Variants in RNF32 observed in about 807,000 individuals in gnomAD.
RNF32 encodes ring finger protein 32.
A neutral mutation model predicts 41.0 loss-of-function variants in RNF32; 36 were observed. The observed-to-expected ratio is 0.88, with a 90% CI of 0.67 to 1.16. RNF32 has a LOEUF of 1.16. Ranked by LOEUF, RNF32 falls within the 50% of genes most tolerant of loss-of-function variation. RNF32 has a pLI of 0.00. For synonymous variants in RNF32, 154 were observed against 160.9 expected, an observed-to-expected ratio of 0.96 and a Z score of 0.32; for missense variants, 413 against 436.7, an observed-to-expected ratio of 0.95 and a Z score of 0.48.
intron 7 of RNF32, among the ~76,000 whole-genome samples, chr7:156,674,273 G>A (rs1182894420): frequency 6.6e-6 from 1 of 152,176 alleles, no homozygotes; most frequent in African/African-American, 2.4e-5. Context: ...CGGGCCTGGA[G>A]AACACCCAGA....
intron 8 of RNF32, among the ~76,000 whole-genome samples, chr7:156,676,065 C>T (rs2365514): frequency 0.38 from 57,378 of 149,948 alleles, 11,650 homozygotes; most frequent in African/African-American, 0.49. Context: ...GTGTCAGTCC[C>T]GGGGTAACCG....
At chr7:156,672,363 A>T (rs1802731769) in intron 7 of RNF32, among the ~76,000 whole-genome samples, 1 of 152,202 alleles carries the variant, frequency 6.6e-6, no homozygotes, top group East Asian at 1.9e-4. Context: ...TCCTGGCCCC[A>T]GGACTAATAA....
rs1017273350 is a variant in RNF32 at position 156,670,658 on chromosome 7, C to A, written c.685-5038C>A. Among the ~76,000 whole-genome samples the A allele has an allele frequency of 6.6e-6, 1 of 152,150 alleles. No individual in the cohort carries two copies. Among genetic ancestry groups the A allele is most frequent in the African/African-American group, 2.4e-5 (1 of 41,436 alleles). ...AGACGATGGCAAACCCTGGGACCTG[C>A]AGATTTCCCAGTGGGAGCGGCAGAA... On this transcript the variant is annotated intron_variant, in intron 7 of 8. Coordinates refer to ENST00000317955, the MANE Select transcript of RNF32 (RefSeq NM_030936.4). The surrounding 1 kb of genome is among the most constrained non-coding windows in gnomAD (Gnocchi z 4.3).
At chr7:156,673,908 A>T (rs1196999997) in intron 7 of RNF32, among the ~76,000 whole-genome samples, 2 of 69,722 alleles carry the variant, frequency 2.9e-5, no homozygotes, top group African/African-American at 1.3e-4. Context: ...CACATTAATA[A>T]AAAAAAAAAA....
chr7:156,657,373 C>T lies in RNF32; in HGVS notation c.418-168C>T, dbSNP rs959047011. ...GAATTTTTGTTATTTAGAGTATATA[C>T]TTGTGCTGTGCTAAACAAACAATAA... is the stretch of plus-strand genomic sequence containing the variant. On this transcript the variant is annotated intron_variant, in intron 4 of 8. Coordinates refer to ENST00000317955, the MANE Select transcript of RNF32 (RefSeq NM_030936.4). 6.1e-6 allele frequency: 4 copies of T among 654,028 alleles called. No individual in the cohort carries two copies. In the East Asian group the frequency reaches 8.2e-5, roughly 13 times the overall value. 40.5% of individuals were successfully genotyped at this position (654,028 alleles called of 1,614,324 possible). A position where few individuals can be genotyped will look rare whatever the true frequency, so the allele number is the denominator to read the frequency against.
intron 3 of RNF32, among the ~76,000 whole-genome samples, chr7:156,650,778 C>T (rs1170555536): frequency 6.6e-6 from 1 of 152,216 alleles, no homozygotes; most frequent in Non-Finnish European, 1.5e-5. Flanking sequence ...CAAAGAGCTG[C>T]CCTGAGGCAG....
intron 3 of RNF32, among the ~76,000 whole-genome samples, chr7:156,645,396 A>G (rs1266157392): frequency 6.6e-6 from 1 of 152,238 alleles, no homozygotes; most frequent in Admixed American, 6.5e-5. Flanking sequence ...CAAAATGTAT[A>G]TCTGAATTTA....
chr7:156,646,111 T>C (rs2131353459), intron 3 of RNF32, among the ~76,000 whole-genome samples: 1 of 152,358 alleles, frequency 6.6e-6, no homozygotes, highest in African/African-American at 2.4e-5. Context: ...AATAAAGGCA[T>C]GCAAATCAAT....
At chr7:156,666,778 A>G (rs1300971171) in intron 7 of RNF32, among the ~76,000 whole-genome samples, 1 of 152,242 alleles carries the variant, frequency 6.6e-6, no homozygotes, top group Admixed American at 6.5e-5. Context: ...AGTGTTGCCC[A>G]GAATGCAGCG....
intron 7 of RNF32, among the ~76,000 whole-genome samples, chr7:156,660,787 CA>C (rs1238377933): frequency 6.6e-6 from 1 of 152,208 alleles, no homozygotes; most frequent in Non-Finnish European, 1.5e-5. Flanking sequence ...AACCCACTCT[CA>C]AGGAGTCCTG....
At chr7:156,654,082 A>G (rs1241681016) in intron 3 of RNF32, 1 of 152,236 alleles carries the variant, frequency 6.6e-6, no homozygotes. Context: ...TGAAAATGTC[A>G]GGTATTATTA....
intron 3 of RNF32, chr7:156,646,365 G>T: frequency 8.0e-7 from 1 of 1,254,770 alleles, no homozygotes; most frequent in South Asian, 1.3e-5. Flanking sequence ...TGCTTAGCTT[G>T]TGGCAGCGTC....
intron 3 of RNF32, 157 bp from the exon 4 acceptor site, chr7:156,654,419 C>A: frequency 1.7e-6 from 1 of 591,112 alleles, no homozygotes; most frequent in South Asian, 2.8e-5. Context: ...GAACACATTC[C>A]CTGTGGATAC....
At chr7:156,655,642 C>T (rs1354752331) in intron 4 of RNF32, among the ~76,000 whole-genome samples, 2 of 152,244 alleles carry the variant, frequency 1.3e-5, no homozygotes, top group East Asian at 1.9e-4. Flanking sequence ...AACAGTTACA[C>T]TTCTATTCAC....
At chr7:156,657,074 TATTTAA>T (rs768856236) in intron 4 of RNF32, among the ~76,000 whole-genome samples, 16 of 152,258 alleles carry the variant, frequency 1.1e-4, no homozygotes, top group Non-Finnish European at 1.9e-4. Flanking sequence ...GATTTGTTGC[TATTTAA>T]ATTTAAGACT....
At chr7:156,660,903 G>A (rs757607073) in intron 7 of RNF32, among the ~76,000 whole-genome samples, 3 of 152,192 alleles carry the variant, frequency 2.0e-5, no homozygotes, top group Non-Finnish European at 4.4e-5. Context: ...GTTATACATT[G>A]GTTTGGCCAG....
intron 5 of RNF32, 75 bp from the exon 6 acceptor site, chr7:156,658,053 A>G (rs1187276987): frequency 7.1e-7 from 1 of 1,411,146 alleles, no homozygotes; most frequent in Non-Finnish European, 9.9e-7. Flanking sequence ...TATAATTAGA[A>G]CACTAACATT....
intron 4 of RNF32, among the ~76,000 whole-genome samples, chr7:156,655,232 C>CGG (rs201956895): frequency 0.018 from 2,592 of 146,482 alleles, 78 homozygotes; most frequent in African/African-American, 0.064. Flanking sequence ...ATAATATACA[C>CGG]GCGCGCGCAC....
In RNF32 at chr7:156,669,519, G is replaced by C. The variant is rs914230233; in HGVS notation, c.685-6177G>C. On this transcript the variant is annotated intron_variant, in intron 7 of 8. Transcript: ENST00000317955. The surrounding 1 kb of genome is among the most constrained non-coding windows in gnomAD (Gnocchi z 4.2). ...ACGGCTTAGCATGTGGGAGGGGCAG[G>C]CTGGCAGAGTGTGAGCCGCTGGGCA... is the stretch of plus-strand genomic sequence containing the variant. Among the ~76,000 whole-genome samples, 1 of 152,192 alleles carries C rather than the reference G, an allele frequency of 6.6e-6. No individual in the cohort carries two copies. Among genetic ancestry groups the C allele is most frequent in the African/African-American group, 2.4e-5 (1 of 41,456 alleles).
Sources: gnomAD v4.1 joint callset for allele counts (sites outside exome capture counted in the v4.1 genomes callset) on GRCh38, gnomAD v4.1.1 for gene constraint, Gnocchi (gnomAD v3.1) non-coding constraint, MANE v1.5 for transcripts, NCBI Gene and HGNC (gene_info 2026-07-23, HGNC 2026-07-21) for gene names.